Variants in FAM228B observed in about 807,000 individuals in gnomAD.
FAM228B encodes family with sequence similarity 228 member B.
In FAM228B, 38 loss-of-function variants were observed where a neutral mutation model predicts 42.6. The ratio of observed to expected loss-of-function variants is 0.89; its 90% CI spans 0.69 to 1.17. The LOEUF (loss-of-function observed/expected upper bound fraction) is 1.17, where lower values mean the gene tolerates loss of function less well. FAM228B is among the 50% of genes most tolerant of loss of function. The pLI is 0.00. For synonymous variants in FAM228B, 109 were observed against 122.3 expected, an observed-to-expected ratio of 0.89 and a Z score of 0.72; for missense variants, 344 against 367.3, an observed-to-expected ratio of 0.94 and a Z score of 0.52.
At chr2:24,147,123 G>T in intron 7 of FAM228B, 37 bp downstream of exon 7, 2 of 1,393,108 alleles carry the variant, frequency 1.4e-6, no homozygotes, top group African/African-American at 1.5e-5. Context: ...AGAACCTTTT[G>T]GACTTTGAAA....
upstream of FAM228B, chr2:24,119,511 G>T: frequency 8.5e-7 from 1 of 1,172,588 alleles, no homozygotes; most frequent in Non-Finnish European, 1.2e-6. Flanking sequence ...TTGGATCTCT[G>T]TTACTCGTAG....
chr2:24,137,395 C>T (rs1666615172), intron 3 of FAM228B, among the ~76,000 whole-genome samples: 1 of 152,142 alleles, frequency 6.6e-6, no homozygotes. Flanking sequence ...GTTTTTCTCT[C>T]CTCTGTCTTC....
chr2:24,100,506 G>GA (rs1197456396), intron 3 of FAM228B, among the ~76,000 whole-genome samples: 1 of 152,162 alleles, frequency 6.6e-6, no homozygotes, highest in Non-Finnish European at 1.5e-5. Context: ...ACAGACACAT[G>GA]AAAAAATGCT....
upstream of FAM228B, among the ~76,000 whole-genome samples, chr2:24,120,313 G>C (rs1273801762): frequency 2.0e-5 from 3 of 151,900 alleles, no homozygotes; most frequent in Non-Finnish European, 4.4e-5. Context: ...AAACAAAACT[G>C]ATGTAATGGA....
Position 24,084,189 on chromosome 2 carries a change from C to A in FAM228B, c.-210+3234C>A. 6.2e-7 allele frequency: 1 copy of A among 1,611,212 alleles called. No homozygotes were observed. Among genetic ancestry groups the A allele is most frequent in the Middle Eastern group, 1.7e-4 (1 of 5,802 alleles). On this transcript the variant is annotated intron_variant, in intron 2 of 10. Coordinates refer to the FAM228B transcript ENST00000613899. This position sits in a 1 kb window ranked among gnomAD's most constrained non-coding sequence, Gnocchi z 8.4. ...CCCGGCGCGGCTGAGCCCTGGGTACCTGCATTAAGTCCGCCCGGTTCAGGG... is the reference window on the plus strand; with the variant it reads ...CCCGGCGCGGCTGAGCCCTGGGTACATGCATTAAGTCCGCCCGGTTCAGGG...
intron 7 of FAM228B, among the ~76,000 whole-genome samples, chr2:24,154,818 G>A (rs1573780463): frequency 6.6e-6 from 1 of 152,084 alleles, no homozygotes; most frequent in Admixed American, 6.5e-5. Flanking sequence ...TGGGGTGAGA[G>A]CACCATTATT....
chr2:24,160,269 C>T (rs548245093), intron 7 of FAM228B, among the ~76,000 whole-genome samples: 40 of 152,262 alleles, frequency 2.6e-4, no homozygotes, highest in African/African-American at 8.7e-4. Flanking sequence ...GGATTACAAG[C>T]GTGAGCCACT....
intron 7 of FAM228B, among the ~76,000 whole-genome samples, chr2:24,152,621 CCAAA>C (rs747569287): frequency 2.0e-5 from 3 of 152,238 alleles, no homozygotes; most frequent in Non-Finnish European, 2.9e-5. Context: ...CCACCTTCTC[CCAAA>C]CAAACAGTCT....
In FAM228B at chr2:24,077,364, C is replaced by A. The variant is rs551803821; in HGVS notation, c.-290+395C>A. ...CGTCAGCTGATCGGGCCTCAGTAATCCCCGCTGCGACGCCCGTCCGGACTC... is the reference window on the plus strand; with the variant it reads ...CGTCAGCTGATCGGGCCTCAGTAATACCCGCTGCGACGCCCGTCCGGACTC... On this transcript the variant is annotated intron_variant, in intron 1 of 10. Coordinates refer to the FAM228B transcript ENST00000613899. The surrounding 1 kb of genome is among the most constrained non-coding windows in gnomAD (Gnocchi z 5.5). 12 of 483,830 alleles carry A rather than the reference C, an allele frequency of 2.5e-5. No homozygotes were observed. The highest frequency in any genetic ancestry group is 4.0e-5 in the Non-Finnish European group (11 of 272,748). The allele number at this position is 483,830 out of a possible 1,614,324, so 30.0% of individuals were successfully genotyped here.
At chr2:24,157,992 T>C (rs1482108941) in intron 7 of FAM228B, among the ~76,000 whole-genome samples, 1 of 152,070 alleles carries the variant, frequency 6.6e-6, no homozygotes, top group Non-Finnish European at 1.5e-5. Flanking sequence ...CAGGGTGAAA[T>C]GTGGCATGTC....
chr2:24,110,737 TC>T (rs1665776999), intron 3 of FAM228B, among the ~76,000 whole-genome samples: 1 of 152,126 alleles, frequency 6.6e-6, no homozygotes, highest in African/African-American at 2.4e-5. Flanking sequence ...CTGTAGTCAT[TC>T]CAGCAAATTA....
At chr2:24,093,297 C>G (rs1451287480) in intron 2 of FAM228B, among the ~76,000 whole-genome samples, 1 of 152,114 alleles carries the variant, frequency 6.6e-6, no homozygotes, top group Non-Finnish European at 1.5e-5. Context: ...GCTCTCCCTC[C>G]CCTTGCCCCT....
At chr2:24,135,247 T>A in intron 3 of FAM228B, 60 bp downstream of exon 3, 1 of 909,014 alleles carries the variant, frequency 1.1e-6, no homozygotes, top group South Asian at 1.7e-5. Context: ...TTCCTTTTTA[T>A]ATGTAGCATA....
chr2:24,094,029 C>CTTTTTT (rs57620033), intron 2 of FAM228B, among the ~76,000 whole-genome samples: 2 of 77,390 alleles, frequency 2.6e-5, no homozygotes, highest in Non-Finnish European at 4.8e-5. Flanking sequence ...TCGCCACATA[C>CTTTTTT]TTTTTTTTTT....
chr2:24,109,089 C>T (rs1665746653), intron 3 of FAM228B, among the ~76,000 whole-genome samples: 2 of 143,882 alleles, frequency 1.4e-5, no homozygotes, highest in Admixed American at 7.3e-5. Context: ...ACCAATGGAA[C>T]AGTAGAGAGA....
intron 3 of FAM228B, among the ~76,000 whole-genome samples, chr2:24,113,379 C>A (rs975962742): frequency 2.6e-5 from 4 of 152,102 alleles, no homozygotes; most frequent in African/African-American, 9.7e-5. Context: ...TCTAGACCAG[C>A]CTGTGCAACA....
chr2:24,105,500 C>T (rs898915340), intron 3 of FAM228B, among the ~76,000 whole-genome samples: 1 of 152,194 alleles, frequency 6.6e-6, no homozygotes, highest in Non-Finnish European at 1.5e-5. Context: ...GAACATCAGC[C>T]TACACAAATG....
intron 2 of FAM228B, among the ~76,000 whole-genome samples, chr2:24,092,581 A>G (rs1665414291): frequency 6.6e-6 from 1 of 152,208 alleles, no homozygotes; most frequent in Admixed American, 6.5e-5. Flanking sequence ...CTCCATAAAA[A>G]AAAGAAAGAA....
chr2:24,111,128 A>G (rs1267133514), intron 3 of FAM228B, among the ~76,000 whole-genome samples: 10 of 151,932 alleles, frequency 6.6e-5, no homozygotes, highest in African/African-American at 2.4e-4. Flanking sequence ...TGGCATGATC[A>G]TAGCTCAGTG....
Sources: gnomAD v4.1 joint callset for allele counts (sites outside exome capture counted in the v4.1 genomes callset) on GRCh38, gnomAD v4.1.1 for gene constraint, Gnocchi (gnomAD v3.1) non-coding constraint, MANE v1.5 for transcripts, NCBI Gene and HGNC (gene_info 2026-07-23, HGNC 2026-07-21) for gene names.